Variants in ATAD2B observed in about 807,000 individuals in gnomAD.
ATAD2B encodes ATPase family AAA domain-containing protein 2B.
In ATAD2B, 40 loss-of-function variants were observed where a neutral mutation model predicts 167.6. The ratio of observed to expected loss-of-function variants is 0.24; its 90% CI spans 0.19 to 0.31. The LOEUF is 0.31. Among genes scored for constraint, ATAD2B ranks in the 10% least tolerant of loss-of-function variants. The probability of loss-of-function intolerance (pLI) is 1.00; values close to 1 mark genes in which losing one functional copy is unlikely to be tolerated. For synonymous variants in ATAD2B, 579 were observed against 596.5 expected, an observed-to-expected ratio of 0.97 and a Z score of 0.43; for missense variants, 1,242 against 1,757.2, an observed-to-expected ratio of 0.71 and a Z score of 5.24.
In ATAD2B at chr2:23,917,508, G is replaced by A. The variant is rs530134345; in HGVS notation, c.216+9047C>T. Among the ~76,000 whole-genome samples the A allele has an allele frequency of 5.3e-5, 8 of 152,116 alleles. No homozygotes were observed. In the East Asian group the frequency reaches 5.8e-4, roughly 11 times the overall value. On this transcript the variant is annotated intron_variant, in intron 1 of 27. Coordinates refer to ENST00000238789, the MANE Select transcript of ATAD2B (RefSeq NM_017552.4). ...AGCAATAAACGCAAATGTATACACT[G>A]TAAATTAATATCACCAAGTAGAGGG...
intron 1 of ATAD2B, among the ~76,000 whole-genome samples, chr2:23,896,734 G>A (rs1573322866): frequency 6.6e-6 from 1 of 152,244 alleles, no homozygotes; most frequent in Admixed American, 6.5e-5. Context: ...CTCTCTTTCA[G>A]GTGCAGGATC....
chr2:23,856,426 G>T, intron 13 of ATAD2B: 1 of 399,886 alleles, frequency 2.5e-6, no homozygotes, highest in East Asian at 1.0e-4. Context: ...GTAGCAGGTT[G>T]AGCATTATCA....
At chr2:23,785,912 G>A (rs996641541) in intron 21 of ATAD2B, 115 bp downstream of exon 21, 3 of 903,100 alleles carry the variant, frequency 3.3e-6, no homozygotes, top group Non-Finnish European at 4.9e-6. Flanking sequence ...AATTTTATAG[G>A]CTAGGGGTAA....
intron 8 of ATAD2B, chr2:23,872,587 C>T (rs1471575804): frequency 3.2e-6 from 4 of 1,260,216 alleles, no homozygotes; most frequent in Non-Finnish European, 4.6e-6. Flanking sequence ...GGTCTGCATG[C>T]CTGCGATCCT....
rs1283016862 is a variant in ATAD2B at position 23,878,010 on chromosome 2, C to CAAAAAAAAAAAAAAA, written c.902-2107_902-2106insTTTTTTTTTTTTTTT. 2.2e-3 allele frequency among the ~76,000 whole-genome samples: 64 copies of CAAAAAAAAAAAAAAA among 28,608 alleles called. 16 individuals carry two copies. The highest frequency in any genetic ancestry group is 6.6e-3 in the East Asian group (5 of 758). 18.8% of individuals were successfully genotyped at this position (28,608 alleles called of 152,430 possible). ...ACTCCAGCCTGGATGACCCTATCTC[C>CAAAAAAAAAAAAAAA]AAAGAAAAAAAAAAAAAAAAAAAAA... On this transcript the variant is annotated intron_variant, in intron 7 of 27. Transcript: ENST00000238789.
chr2:23,700,421 G>A, the ATAD2B span, among the ~76,000 whole-genome samples: 84 of 152,100 alleles, frequency 5.5e-4, no homozygotes, highest in Non-Finnish European at 8.7e-4. This position sits in a 1 kb window ranked among gnomAD's most constrained non-coding sequence, Gnocchi z 4.6. Flanking sequence ...GGGCCTTGAG[G>A]TTATATATGC....
chr2:23,913,550 G>T (rs1400158047), intron 1 of ATAD2B, among the ~76,000 whole-genome samples: 2 of 151,066 alleles, frequency 1.3e-5, no homozygotes, highest in Admixed American at 6.6e-5. Context: ...TGAAGCAGGA[G>T]AATTGCTTTA....
the ATAD2B span, among the ~76,000 whole-genome samples, chr2:23,701,392 A>C: frequency 6.6e-6 from 1 of 152,152 alleles, no homozygotes; most frequent in African/African-American, 2.4e-5. Flanking sequence ...TAGATGCCAA[A>C]TTTGATCACA....
intron 14 of ATAD2B, chr2:23,832,141 C>T: frequency 2.3e-6 from 1 of 444,330 alleles, no homozygotes; most frequent in South Asian, 1.7e-5. Flanking sequence ...TAATCACACC[C>T]TCCTCATTGA....
At chr2:23,909,455 C>T (rs571623516) in intron 1 of ATAD2B, among the ~76,000 whole-genome samples, 240 of 151,092 alleles carry the variant, frequency 1.6e-3, no homozygotes, top group African/African-American at 5.4e-3. Flanking sequence ...TATATATACA[C>T]ACACACACAC....
At chr2:23,863,750 GAAATA>G (rs1462935363) in intron 11 of ATAD2B, among the ~76,000 whole-genome samples, 195 bp from the exon 12 acceptor site, 1 of 152,128 alleles carries the variant, frequency 6.6e-6, no homozygotes, top group South Asian at 2.1e-4. Context: ...TGGCAGACAA[GAAATA>G]AAGTACAGAG....
At chr2:23,764,843 C>T (rs895794720) in intron 23 of ATAD2B, among the ~76,000 whole-genome samples, 4 of 152,144 alleles carry the variant, frequency 2.6e-5, no homozygotes, top group Admixed American at 2.0e-4. Flanking sequence ...GTGTGCAATA[C>T]ACCTCCTCCT....
chr2:23,817,507 G>A (rs1686634506), intron 17 of ATAD2B, among the ~76,000 whole-genome samples: 1 of 152,152 alleles, frequency 6.6e-6, no homozygotes, highest in East Asian at 1.9e-4. Flanking sequence ...AACCTTCCCA[G>A]ACTTCCAGCA....
the ATAD2B span, among the ~76,000 whole-genome samples, chr2:23,737,938 A>C: frequency 1.3e-5 from 2 of 152,224 alleles, no homozygotes; most frequent in Non-Finnish European, 2.9e-5. Flanking sequence ...AAACTGGAAG[A>C]AAGGGTATCA....
intron 2 of ATAD2B, among the ~76,000 whole-genome samples, chr2:23,892,393 T>C (rs1699647264): frequency 6.6e-6 from 1 of 151,938 alleles, no homozygotes; most frequent in Admixed American, 6.6e-5. Context: ...CTCTATCTCC[T>C]GACCTCGTGA....
the ATAD2B span, among the ~76,000 whole-genome samples, chr2:23,711,408 C>T: frequency 1.7e-5 from 2 of 114,404 alleles, no homozygotes; most frequent in Admixed American, 1.3e-4. Flanking sequence ...CTCTGTTGCC[C>T]AGGCTGGATG....
chr2:23,779,141 C>A (rs920747176), intron 22 of ATAD2B, among the ~76,000 whole-genome samples: 14 of 151,410 alleles, frequency 9.2e-5, no homozygotes, highest in African/African-American at 3.4e-4. Flanking sequence ...AACAGTGACC[C>A]TGATGCTGTT....
the ATAD2B span, among the ~76,000 whole-genome samples, chr2:23,702,000 T>C: frequency 6.6e-6 from 1 of 151,708 alleles, no homozygotes; most frequent in Non-Finnish European, 1.5e-5. Flanking sequence ...TTTTTGTATT[T>C]TTAGTAGAGA....
chr2:23,862,170 C>G (rs1237448111), intron 12 of ATAD2B, among the ~76,000 whole-genome samples: 1 of 150,854 alleles, frequency 6.6e-6, no homozygotes. Context: ...GCACTCCAGC[C>G]TGGGTGACAG....
Sources: allele counts gnomAD v4.1 joint callset (sites outside exome capture counted in the v4.1 genomes callset), GRCh38; gene constraint gnomAD v4.1.1; non-coding constraint Gnocchi (gnomAD v3.1); transcripts MANE v1.5; gene names NCBI Gene and HGNC (gene_info 2026-07-23, HGNC 2026-07-21).